Variants in GLUD1 observed in about 807,000 individuals in gnomAD.
GLUD1 encodes glutamate dehydrogenase 1, mitochondrial.
A neutral mutation model predicts 56.0 loss-of-function variants in GLUD1; 22 were observed. The ratio of observed to expected loss-of-function variants is 0.39; its 90% CI spans 0.28 to 0.56. GLUD1 has a LOEUF of 0.56. Ranked by LOEUF, GLUD1 falls within the 20% of genes least tolerant of loss-of-function variation. GLUD1 has a pLI of 0.58. For missense variants in GLUD1, 451 were observed against 732.0 expected (o/e 0.62, Z 4.43); for synonymous variants, 223 against 269.9 (o/e 0.83, Z 1.70).
intron 4 of GLUD1, among the ~76,000 whole-genome samples, 191 bp downstream of exon 4, chr10:87,074,360 G>A (rs1432288917): frequency 1.3e-5 from 2 of 152,086 alleles, no homozygotes; most frequent in African/African-American, 2.4e-5. Flanking sequence ...AATCAGCTGG[G>A]TGTGGTGGCA....
intron 1 of GLUD1, among the ~76,000 whole-genome samples, chr10:87,088,198 G>A (rs1441208788): frequency 6.9e-6 from 1 of 145,648 alleles, no homozygotes. Context: ...GTCATTTATT[G>A]ACTGGTTCTA....
At chr10:87,052,662 T>C (rs1589348872) in intron 12 of GLUD1, among the ~76,000 whole-genome samples, 2 of 50,392 alleles carry the variant, frequency 4.0e-5, no homozygotes, top group South Asian at 7.0e-4. Flanking sequence ...AGGGCAAAAC[T>C]CCGTCTCAAA....
At chr10:87,085,026 C>T (rs753299519) in intron 1 of GLUD1, among the ~76,000 whole-genome samples, 1 of 152,160 alleles carries the variant, frequency 6.6e-6, no homozygotes, top group Non-Finnish European at 1.5e-5. Context: ...TGGGAAGGAG[C>T]ACTGCATATA....
Position 87,050,483 on chromosome 10 carries a change from A to T in GLUD1, c.*1268T>A, listed in dbSNP as rs1426602696. ...ATGTAAAAACACAGAAAAGAAACGT[A>T]AGTTTTGGAAAACGTAGACTTTTAA... On this transcript the variant is annotated 3_prime_UTR_variant, in exon 13 of 13. Transcript: ENST00000277865. 2 of 152,160 alleles carry T rather than the reference A, an allele frequency of 1.3e-5. No homozygotes were observed. Among genetic ancestry groups the T allele is most frequent in the Admixed American group, 1.3e-4 (2 of 15,264 alleles). The allele number at this position is 152,160 out of a possible 1,614,324, so 9.4% of individuals were successfully genotyped here.
At chr10:87,060,591 G>A in intron 8 of GLUD1, 97 bp downstream of exon 8, 1 of 1,448,164 alleles carries the variant, frequency 6.9e-7, no homozygotes. Context: ...CAATAAAGCT[G>A]CTAAAAAGAA....
In GLUD1 at chr10:87,060,181, T is replaced by C; in HGVS notation, c.1258A>G (p.Arg420Gly). 1 of 1,604,998 alleles carries C rather than the reference T, an allele frequency of 6.2e-7. No individual in the cohort carries two copies. The highest frequency in any genetic ancestry group is 1.1e-5 in the South Asian group (1 of 90,868). The change falls in exon 9 of 13, where the codon AGA becomes GGA. Residue 420 changes from arginine to glycine, a missense_variant. Coordinates refer to ENST00000277865, the MANE Select transcript of GLUD1 (RefSeq NM_005271.5). ...TPEADKIFLE[R>G]NIMVIPDLYL... ...CTTACTGGAATAACCATAATGTTTC[T>C]CTCCAGGAAGATCTTGTCAGCTTCT...
chr10:87,083,998 T>C (rs1841324985), intron 1 of GLUD1, among the ~76,000 whole-genome samples: 1 of 152,218 alleles, frequency 6.6e-6, no homozygotes, highest in Non-Finnish European at 1.5e-5. Flanking sequence ...GTGAATGGGC[T>C]TGGTACACAG....
intron 1 of GLUD1, among the ~76,000 whole-genome samples, chr10:87,088,551 T>A (rs1301785040): frequency 6.6e-6 from 1 of 152,064 alleles, no homozygotes; most frequent in African/African-American, 2.4e-5. Flanking sequence ...AAAAAAAAAA[T>A]TCATGCAAAA....
rs745846225 is a variant in GLUD1 at position 87,051,362 on chromosome 10, G to A, written c.*389C>T. On this transcript the variant is annotated 3_prime_UTR_variant, in exon 13 of 13. Coordinates refer to ENST00000277865, the MANE Select transcript of GLUD1 (RefSeq NM_005271.5). Reference sequence around the variant, plus strand: ...ACACCTACTTCTTAAATGTGTTAAAGTTACAGTGTGTCCCAGACTCATCCA... The same window carrying A: ...ACACCTACTTCTTAAATGTGTTAAAATTACAGTGTGTCCCAGACTCATCCA... 4 of 316,560 alleles carry A rather than the reference G, an allele frequency of 1.3e-5. No individual in the cohort carries two copies. The highest frequency in any genetic ancestry group is 2.2e-5 in the African/African-American group (1 of 46,496). 19.6% of individuals were successfully genotyped at this position (316,560 alleles called of 1,614,324 possible).
intron 1 of GLUD1, 108 bp from the exon 2 acceptor site, chr10:87,076,764 C>T: frequency 2.6e-6 from 2 of 764,488 alleles, no homozygotes; most frequent in Non-Finnish European, 4.8e-6. Context: ...TTGAAAATAT[C>T]CACTTTTTAC....
At chr10:87,055,424 CTT>C (rs1845745165) in intron 11 of GLUD1, among the ~76,000 whole-genome samples, 1 of 152,060 alleles carries the variant, frequency 6.6e-6, no homozygotes, top group Non-Finnish European at 1.5e-5. Flanking sequence ...CTTGAGAAAA[CTT>C]TTATTTTTTT....
At chr10:87,057,854 TCCCAAACTATAACTGTAA>T in intron 10 of GLUD1, 72 bp from the exon 11 acceptor site, 1 of 825,996 alleles carries the variant, frequency 1.2e-6, no homozygotes, top group Non-Finnish European at 2.1e-6. Context: ...TCAAAAGTAG[TCCCAAACTATAACTGTAA>T]CCCAAAAACT....
At chr10:87,089,621 AGGTGT>A (rs1841465877) in intron 1 of GLUD1, 1 of 985,290 alleles carries the variant, frequency 1.0e-6, no homozygotes, top group South Asian at 4.7e-5. Context: ...AGAATCTTCT[AGGTGT>A]AGTTGCCTTT....
chr10:87,081,610 T>A (rs1427695315), intron 1 of GLUD1, among the ~76,000 whole-genome samples: 1 of 152,110 alleles, frequency 6.6e-6, no homozygotes, highest in Non-Finnish European at 1.5e-5. Context: ...TAAGAAAAAT[T>A]CTTCTGCCTT....
At chr10:87,093,239 G>A (rs372623423) in intron 1 of GLUD1, among the ~76,000 whole-genome samples, 1 of 152,140 alleles carries the variant, frequency 6.6e-6, no homozygotes, top group Admixed American at 6.5e-5. Context: ...CTGAGACATG[G>A]GTCTAGCCCA....
chr10:87,073,776 G>A (rs1365174752), intron 4 of GLUD1, among the ~76,000 whole-genome samples: 7 of 151,708 alleles, frequency 4.6e-5, no homozygotes, highest in Non-Finnish European at 1.0e-4. Flanking sequence ...TCGCGACCAC[G>A]CCTGGCAAAT....
intron 4 of GLUD1, among the ~76,000 whole-genome samples, chr10:87,073,888 T>C (rs1195403291): frequency 4.6e-5 from 7 of 152,162 alleles, no homozygotes; most frequent in Non-Finnish European, 2.9e-5. Context: ...CTCAAAGTGC[T>C]GGGATTACAG....
chr10:87,067,120 C>T (rs1846098460), intron 5 of GLUD1, among the ~76,000 whole-genome samples: 1 of 152,272 alleles, frequency 6.6e-6, no homozygotes, highest in South Asian at 2.1e-4. Context: ...CACAGCTGGA[C>T]ACTGCTGCCA....
intron 1 of GLUD1, among the ~76,000 whole-genome samples, chr10:87,092,930 G>T (rs1183921415): frequency 6.6e-6 from 1 of 152,212 alleles, no homozygotes; most frequent in African/African-American, 2.4e-5. Context: ...GCAGGCAAAT[G>T]TAGGAGACTG....
Sources: gnomAD v4.1 joint callset for allele counts (sites outside exome capture counted in the v4.1 genomes callset) on GRCh38, gnomAD v4.1.1 for gene constraint, MANE v1.5 for transcripts, NCBI Gene and HGNC (gene_info 2026-07-23, HGNC 2026-07-21) for gene names.